Variants in HGF observed in about 807,000 individuals in gnomAD.
HGF encodes fibroblast-derived tumor cytotoxic factor.
Under a neutral mutation model 111.6 loss-of-function variants are expected in HGF, and 39 were observed. The observed-to-expected ratio is 0.35, with a 90% CI of 0.27 to 0.46. HGF has a LOEUF of 0.46. HGF is among the 20% of genes least tolerant of loss of function. HGF has a pLI of 1.00. For missense variants in HGF, 735 were observed against 910.5 expected (o/e 0.81, Z 2.48); for synonymous variants, 285 against 294.8 (o/e 0.97, Z 0.34).
At position 81,702,739 on chromosome 7, in the gene HGF, G is replaced by A. The variant is rs975176521; in HGVS notation, c.2029C>T (p.Leu677Phe). ...CTCATTTTATGTTGCTCACAAACAA[G>A]TGGGCCACCATAATCCCCCTAGGAG... is the stretch of plus-strand genomic sequence containing the variant. ...GPCEGDYGGP[L>F]VCEQHKMRMV... Residue 677 changes from leucine (L) to phenylalanine (F), a missense_variant, in exon 18 of 18, where the codon CTT becomes TTT. By Grantham distance (22) the Leu-to-Phe change is conservative. Coordinates refer to ENST00000222390, the MANE Select transcript of HGF (RefSeq NM_000601.6). 1 of 1,610,944 alleles carries A rather than the reference G, an allele frequency of 6.2e-7. No individual in the cohort carries two copies. The highest frequency in any genetic ancestry group is 8.5e-7 in the Non-Finnish European group (1 of 1,178,124).
intron 1 of HGF, among the ~76,000 whole-genome samples, chr7:81,768,552 T>C (rs1789475895): frequency 6.6e-6 from 1 of 152,090 alleles, no homozygotes; most frequent in African/African-American, 2.4e-5. Context: ...GCTAATTTTT[T>C]GTATTTTTAG....
At position 81,702,592 on chromosome 7, in the gene HGF, G is replaced by T. The variant is rs1390378476; in HGVS notation, c.2176C>A (p.Pro726Thr). The change falls in exon 18 of 18, where the codon CCA becomes ACA. Residue 726 changes from proline to threonine, a missense_variant. Physicochemically the swap from Pro to Thr is conservative, Grantham distance 38. Around this residue, in one of 3 missense-constraint regions of HGF, gnomAD observed 52 missense variants for 95.0 expected, o/e 0.55. Transcript: ENST00000222390. ...CACACTTACTTCAGCTATGACTGTGGTACCTTATATGTTAAAATAATTTTG... is the reference window on the plus strand; with the variant it reads ...CACACTTACTTCAGCTATGACTGTGTTACCTTATATGTTAAAATAATTTTG... ...IHKIILTYKV[P>T]QS 1.2e-6 allele frequency: 2 copies of T among 1,609,880 alleles called. No individual in the cohort carries two copies. The highest frequency in any genetic ancestry group is 1.1e-5 in the South Asian group (1 of 90,980).
In HGF at chr7:81,743,339, T is replaced by G; in HGVS notation, c.865+14A>C. On this transcript the variant is annotated intron_variant, in intron 7 of 17. Coordinates refer to ENST00000222390, the MANE Select transcript of HGF (RefSeq NM_000601.6). Reference sequence around the variant, plus strand: ...TGAGAGGAAAAGGAAGCAATAAATTTGACCTTCACTTACCGCATGTTTTAA... The same window carrying G: ...TGAGAGGAAAAGGAAGCAATAAATTGGACCTTCACTTACCGCATGTTTTAA... 1 of 1,431,710 alleles carries G rather than the reference T, an allele frequency of 7.0e-7. No homozygotes were observed. The highest frequency in any genetic ancestry group is 9.9e-7 in the Non-Finnish European group (1 of 1,013,316). 88.7% of individuals were successfully genotyped at this position (1,431,710 alleles called of 1,614,324 possible). A position where few individuals can be genotyped will look rare whatever the true frequency, so the allele number is the denominator to read the frequency against.
intron 7 of HGF, among the ~76,000 whole-genome samples, chr7:81,740,622 T>G (rs564016140): frequency 1.4e-4 from 21 of 152,096 alleles, no homozygotes; most frequent in African/African-American, 3.4e-4. Context: ...TAAAAGAGAG[T>G]CTGGAGGTCA....
At chr7:81,724,380 T>C (rs2115894042) in intron 9 of HGF, among the ~76,000 whole-genome samples, 1 of 152,236 alleles carries the variant, frequency 6.6e-6, no homozygotes, top group South Asian at 2.1e-4. Flanking sequence ...GTCTATGAGA[T>C]GGAGCTTTAA....
chr7:81,737,561 C>G (rs1787873197), intron 7 of HGF, among the ~76,000 whole-genome samples: 1 of 151,970 alleles, frequency 6.6e-6, no homozygotes, highest in Admixed American at 6.6e-5. Context: ...TCAGATGGCA[C>G]ATGATATGTG....
chr7:81,706,080 T>C (rs1244893226), intron 15 of HGF, among the ~76,000 whole-genome samples: 2 of 151,934 alleles, frequency 1.3e-5, no homozygotes, highest in Non-Finnish European at 2.9e-5. Context: ...CAATGTTAGT[T>C]ATTCATTTTT....
At chr7:81,707,866 T>C (rs772977479) in intron 13 of HGF, among the ~76,000 whole-genome samples, 17 of 152,172 alleles carry the variant, frequency 1.1e-4, no homozygotes, top group Non-Finnish European at 2.2e-4. Context: ...AGTTTTGATA[T>C]ATTAACATAA....
At chr7:81,733,843 C>T (rs1221002680) in intron 7 of HGF, among the ~76,000 whole-genome samples, 1 of 152,136 alleles carries the variant, frequency 6.6e-6, no homozygotes, top group Non-Finnish European at 1.5e-5. Flanking sequence ...CACATACTTA[C>T]TATTCAAACA....
At chr7:81,719,801 T>C (rs558063575) in intron 10 of HGF, among the ~76,000 whole-genome samples, 30 of 152,236 alleles carry the variant, frequency 2.0e-4, no homozygotes, top group African/African-American at 7.0e-4. Context: ...ATTGAGTACA[T>C]TTTGGAAGAG....
At chr7:81,719,709 T>A (rs1230921607) in intron 10 of HGF, among the ~76,000 whole-genome samples, 1 of 152,220 alleles carries the variant, frequency 6.6e-6, no homozygotes, top group Non-Finnish European at 1.5e-5. Flanking sequence ...ATTTGTGAGC[T>A]GCATTGTCTT....
At position 81,717,273 on chromosome 7, in the gene HGF, C is replaced by T; in HGVS notation, c.1364G>A (p.Gly455Glu). ...ATAATCCCAAGGAATGAGTGGATTT[C>T]CCGTGTAGCACCAGGGTCCATGAGC... is the stretch of plus-strand genomic sequence containing the variant. ...DDAHGPWCYT[G>E]NPLIPWDYCP... The change falls in exon 11 of 18, where the codon GGA becomes GAA. Residue 455 changes from glycine (G) to glutamate (E), a missense_variant. Transcript: ENST00000222390. 3.1e-6 allele frequency: 5 copies of T among 1,613,778 alleles called. No individual in the cohort carries two copies. Among genetic ancestry groups the T allele is most frequent in the Non-Finnish European group, 3.4e-6 (4 of 1,179,736 alleles).
intron 10 of HGF, among the ~76,000 whole-genome samples, chr7:81,719,105 A>G (rs934478668): frequency 3.9e-5 from 6 of 152,104 alleles, no homozygotes; most frequent in Admixed American, 1.3e-4. Context: ...AGTCTTACCA[A>G]AATTATTTCC....
intron 13 of HGF, 56 bp downstream of exon 13, chr7:81,710,091 T>TGC: frequency 8.5e-7 from 1 of 1,182,780 alleles, no homozygotes; most frequent in South Asian, 1.2e-5. Flanking sequence ...TTTCTGGGAA[T>TGC]AGGACTCTCT....
At chr7:81,706,975 A>G (rs1174765465) in intron 14 of HGF, among the ~76,000 whole-genome samples, 2 of 130,756 alleles carry the variant, frequency 1.5e-5, no homozygotes, top group Non-Finnish European at 3.0e-5. Context: ...GACAATTTAG[A>G]AAAAAAAAAG....
At chr7:81,764,172 A>G (rs1789238457) in intron 1 of HGF, among the ~76,000 whole-genome samples, 1 of 152,136 alleles carries the variant, frequency 6.6e-6, no homozygotes, top group Non-Finnish European at 1.5e-5. Flanking sequence ...AGAGTGAGGT[A>G]CCAAAAATGC....
intron 8 of HGF, among the ~76,000 whole-genome samples, chr7:81,727,127 G>A (rs1019330672): frequency 6.7e-6 from 1 of 149,540 alleles, no homozygotes; most frequent in Non-Finnish European, 1.5e-5. Context: ...TGCAAGCTCC[G>A]CCTCCCAGGT....
intron 3 of HGF, 101 bp downstream of exon 3, chr7:81,758,591 G>T: frequency 1.3e-6 from 1 of 749,332 alleles, no homozygotes; most frequent in Non-Finnish European, 2.4e-6. Context: ...CTCATATATA[G>T]TAGAAAAATC....
At chr7:81,758,048 A>G (rs1788871454) in intron 3 of HGF, among the ~76,000 whole-genome samples, 1 of 152,080 alleles carries the variant, frequency 6.6e-6, no homozygotes, top group Non-Finnish European at 1.5e-5. Context: ...CAGGTTATGT[A>G]TCTGAATTTA....
Sources: gnomAD v4.1 joint callset for allele counts (sites outside exome capture counted in the v4.1 genomes callset) on GRCh38, gnomAD v4.1.1 for gene constraint, gnomAD v4.1.1 regional missense constraint, MANE v1.5 for transcripts, NCBI Gene and HGNC (gene_info 2026-07-23, HGNC 2026-07-21) for gene names.